Variants in NRF1 observed in about 807,000 individuals in gnomAD.
NRF1 encodes alpha palindromic-binding protein.
In NRF1, 5 loss-of-function variants were observed where a neutral mutation model predicts 58.5. The observed-to-expected ratio is 0.09, with a 90% CI of 0.04 to 0.18. The LOEUF is 0.18. Ranked by LOEUF, NRF1 falls within the 10% of genes least tolerant of loss-of-function variation. The pLI is 1.00. For missense variants in NRF1, 288 were observed against 657.7 expected, an observed-to-expected ratio of 0.44 and a Z score of 6.15; for synonymous variants, 224 against 246.7, an observed-to-expected ratio of 0.91 and a Z score of 0.86.
chr7:129,657,644 C>G (rs574189648), intron 2 of NRF1, 70 bp downstream of exon 2: 25 of 1,008,930 alleles, frequency 2.5e-5, no homozygotes, highest in South Asian at 2.4e-4. Context: ...GCGTCTCACT[C>G]TGTTGCTCAG....
chr7:129,696,264 T>C (rs1802696271), intron 5 of NRF1, among the ~76,000 whole-genome samples: 1 of 151,916 alleles, frequency 6.6e-6, no homozygotes, highest in South Asian at 2.1e-4. Flanking sequence ...TAAAAATAAA[T>C]AAATAAAGTG....
At chr7:129,681,054 C>T (rs992215680) in intron 4 of NRF1, among the ~76,000 whole-genome samples, 1 of 152,060 alleles carries the variant, frequency 6.6e-6, no homozygotes, top group African/African-American at 2.4e-5. Context: ...AGATTATTCT[C>T]GATTATCCAG....
In NRF1 at chr7:129,729,779, C is replaced by T. The variant is rs531810065; in HGVS notation, c.1348+2414C>T. ...ATATCTGGCTAGACTTTTAGAGGTT[C>T]TCTTTTTCATCATTCTTTCGGATTC... On this transcript the variant is annotated intron_variant, in intron 10 of 10. Transcript: ENST00000393232. Among the ~76,000 whole-genome samples the T allele has an allele frequency of 3.9e-5, 6 of 152,276 alleles. No individual in the cohort carries two copies. In the South Asian group the frequency reaches 8.3e-4, roughly 21 times the overall value.
At position 129,642,472 on chromosome 7, in the gene NRF1, C is replaced by CA. The variant is rs1451916528; in HGVS notation, c.-6-14869dup. Among the ~76,000 whole-genome samples the CA allele has an allele frequency of 8.4e-4, 128 of 152,020 alleles. 1 individual carries two copies. Among genetic ancestry groups the CA allele is most frequent in the Non-Finnish European group, 1.8e-4 (12 of 67,984 alleles). On this transcript the variant is annotated intron_variant, in intron 1 of 10. Coordinates refer to ENST00000393232, the MANE Select transcript of NRF1 (RefSeq NM_005011.5). ...GCTCTGTAGACATTTAAAAAAGATA[C>CA]AAAAATGTTAATAACATGGAATATT...
chr7:129,670,085 C>G (rs970442649), intron 2 of NRF1, among the ~76,000 whole-genome samples: 2 of 152,114 alleles, frequency 1.3e-5, no homozygotes, highest in African/African-American at 4.8e-5. Flanking sequence ...GTGAAACAAA[C>G]CAGTCATAGA....
intron 10 of NRF1, among the ~76,000 whole-genome samples, chr7:129,749,955 G>A (rs917956835): frequency 6.6e-6 from 1 of 152,132 alleles, no homozygotes; most frequent in Non-Finnish European, 1.5e-5. Context: ...GACATTAGAA[G>A]TATGTGCCTT....
At chr7:129,661,740 G>A (rs180749236) in intron 2 of NRF1, among the ~76,000 whole-genome samples, 11 of 150,830 alleles carry the variant, frequency 7.3e-5, no homozygotes, top group African/African-American at 1.5e-4. Flanking sequence ...ACATTTTCCC[G>A]TCTTCTTTTG....
intron 10 of NRF1, among the ~76,000 whole-genome samples, chr7:129,729,810 T>A (rs901517146): frequency 2.0e-5 from 3 of 152,220 alleles, no homozygotes; most frequent in African/African-American, 7.2e-5. Flanking sequence ...GATTCTGTCC[T>A]GTTGCCAGAG....
intron 2 of NRF1, among the ~76,000 whole-genome samples, chr7:129,666,207 G>T (rs182873808): frequency 6.6e-6 from 1 of 152,296 alleles, no homozygotes; most frequent in East Asian, 1.9e-4. Context: ...GAAATAAAAA[G>T]TACAGATATG....
At chr7:129,621,021 C>T (rs970103066) in intron 1 of NRF1, among the ~76,000 whole-genome samples, 2 of 152,170 alleles carry the variant, frequency 1.3e-5, no homozygotes, top group Non-Finnish European at 2.9e-5. Context: ...CTGGCATTCA[C>T]ATTTCTAAAG....
chr7:129,642,751 TAAA>T lies in NRF1; in HGVS notation c.-6-14591_-6-14589del, dbSNP rs34163578. Among the ~76,000 whole-genome samples, 532 of 143,656 alleles carry T rather than the reference TAAA, an allele frequency of 3.7e-3. 28 individuals carry two copies. Among genetic ancestry groups the T allele is most frequent in the Admixed American group, 0.032 (437 of 13,816 alleles). The allele number at this position is 143,656 out of a possible 152,430, so 94.2% of individuals were successfully genotyped here. On this transcript the variant is annotated intron_variant, in intron 1 of 10. Coordinates refer to ENST00000393232, the MANE Select transcript of NRF1 (RefSeq NM_005011.5). Reference sequence around the variant, plus strand: ...GTCACTTCTAAAAGAATACATTCTTTAAAAAATTTTTTTTTTTTTTTTTTTAAA... The same window carrying T: ...GTCACTTCTAAAAGAATACATTCTTTAAATTTTTTTTTTTTTTTTTTTAAA...
At chr7:129,732,304 A>G (rs1217777876) in intron 10 of NRF1, among the ~76,000 whole-genome samples, 1 of 152,238 alleles carries the variant, frequency 6.6e-6, no homozygotes, top group Non-Finnish European at 1.5e-5. Flanking sequence ...TTATACAGCT[A>G]TCTTTCATTC....
At chr7:129,720,527 C>G (rs983742056) in intron 9 of NRF1, among the ~76,000 whole-genome samples, 3 of 152,208 alleles carry the variant, frequency 2.0e-5, no homozygotes, top group African/African-American at 4.8e-5. Flanking sequence ...GCAGCTTGCT[C>G]TGTTTTGGGT....
rs551406429 is a variant in NRF1 at position 129,648,704 on chromosome 7, C to T, written c.-6-8642C>T. On this transcript the variant is annotated intron_variant, in intron 1 of 10. Transcript: ENST00000393232. ...TAATAATGTCTCCTGACTCCCTCAC[C>T]ATGTAAGGATAGGATATTAATACTC... Among the ~76,000 whole-genome samples the T allele has an allele frequency of 2.0e-5, 3 of 152,204 alleles. No homozygotes were observed. The South Asian group carries it at 6.2e-4, about 32-fold the overall frequency.
intron 1 of NRF1, chr7:129,633,573 CAA>C (rs1801098111): frequency 2.0e-5 from 3 of 152,146 alleles, no homozygotes; most frequent in Admixed American, 2.0e-4. Context: ...TGTTGGCAAA[CAA>C]GAGCTCCACC....
intron 10 of NRF1, among the ~76,000 whole-genome samples, chr7:129,737,434 T>A (rs1391847213): frequency 6.6e-6 from 1 of 152,220 alleles, no homozygotes; most frequent in African/African-American, 2.4e-5. Flanking sequence ...TCATGAAAGG[T>A]AGCTTTTGCC....
At chr7:129,748,175 T>G (rs1804024823) in intron 10 of NRF1, among the ~76,000 whole-genome samples, 1 of 143,360 alleles carries the variant, frequency 7.0e-6, no homozygotes, top group South Asian at 2.3e-4. Flanking sequence ...CTCAGGAGGC[T>G]GAGGCAGGAG....
Position 129,755,226 on chromosome 7 carries a change from T to C in NRF1, c.*45T>C. Reference sequence around the variant, plus strand: ...ATCGTTTTCTAGTCTACTTCAAAATTTTTTACACGTTTGCAGAGGTGCAAT... The same window carrying C: ...ATCGTTTTCTAGTCTACTTCAAAATCTTTTACACGTTTGCAGAGGTGCAAT... On this transcript the variant is annotated 3_prime_UTR_variant, in exon 11 of 11. Coordinates refer to ENST00000393232, the MANE Select transcript of NRF1 (RefSeq NM_005011.5). This position sits in a 1 kb window ranked among gnomAD's most constrained non-coding sequence, Gnocchi z 5.8. 6.7e-7 allele frequency: 1 copy of C among 1,490,782 alleles called. No individual in the cohort carries two copies. Among genetic ancestry groups the C allele is most frequent in the African/African-American group, 1.4e-5 (1 of 69,922 alleles). 92.3% of individuals were successfully genotyped at this position (1,490,782 alleles called of 1,614,324 possible).
chr7:129,694,372 CT>C (rs888067674), intron 5 of NRF1, among the ~76,000 whole-genome samples: 10 of 151,192 alleles, frequency 6.6e-5, no homozygotes, highest in Middle Eastern at 3.4e-3. Flanking sequence ...CTCTGTCTCT[CT>C]TTTTTTTTGG....
Sources: allele counts gnomAD v4.1 joint callset (sites outside exome capture counted in the v4.1 genomes callset), GRCh38; gene constraint gnomAD v4.1.1; non-coding constraint Gnocchi (gnomAD v3.1); transcripts MANE v1.5; gene names NCBI Gene and HGNC (gene_info 2026-07-23, HGNC 2026-07-21).